Variants in CAMK1D observed in about 807,000 individuals in gnomAD.
CAMK1D encodes calcium/calmodulin-dependent protein kinase type 1D.
A neutral mutation model predicts 47.7 loss-of-function variants in CAMK1D; 9 were observed. That is an observed-to-expected ratio of 0.19 (90% CI 0.11 to 0.33). CAMK1D has a LOEUF of 0.33. Among genes scored for constraint, CAMK1D ranks in the 10% least tolerant of loss-of-function variants. The pLI is 1.00. For missense variants in CAMK1D, 291 were observed against 488.7 expected (o/e 0.60, Z 3.81); for synonymous variants, 184 against 184.9 (o/e 0.99, Z 0.04).
In CAMK1D at chr10:12,814,278, C is replaced by T. The variant is rs768410577; in HGVS notation, c.725C>T (p.Ser242Phe). Residue 242 changes from serine (S) to phenylalanine (F), a missense_variant, in exon 7 of 11, where the codon TCT becomes TTT. By Grantham distance (155) the Ser-to-Phe change is radical. This residue lies in a region of CAMK1D where 219 missense variants were observed against 424.3 expected (regional missense o/e 0.52). Coordinates refer to ENST00000619168, the MANE Select transcript of CAMK1D (RefSeq NM_153498.4). Reference sequence around the variant, plus strand: ...CTCAAGGCGGAATATGAGTTTGACTCTCCCTACTGGGATGACATCTCCGAC... The same window carrying T: ...CTCAAGGCGGAATATGAGTTTGACTTTCCCTACTGGGATGACATCTCCGAC... ...QILKAEYEFD[S>F]PYWDDISDSA... is the part of the protein sequence containing the mutation. The T allele has an allele frequency of 1.2e-6, 2 of 1,613,262 alleles. No homozygotes were observed. Among genetic ancestry groups the T allele is most frequent in the East Asian group, 2.2e-5 (1 of 44,860 alleles).
At chr10:12,649,098 C>T (rs1839890108) in intron 2 of CAMK1D, among the ~76,000 whole-genome samples, 1 of 152,198 alleles carries the variant, frequency 6.6e-6, no homozygotes, top group Non-Finnish European at 1.5e-5. Flanking sequence ...GACCTCCTGG[C>T]TTCAAGCAGG....
At position 12,560,554 on chromosome 10, in the gene CAMK1D, G is replaced by GA. The variant is rs1564412321; in HGVS notation, c.224+7198_224+7199insA. Among the ~76,000 whole-genome samples, 94 of 88,974 alleles carry GA rather than the reference G, an allele frequency of 1.1e-3. 4 individuals carry two copies. Among genetic ancestry groups the GA allele is most frequent in the Non-Finnish European group, 1.4e-3 (61 of 44,592 alleles). The allele number at this position is 88,974 out of a possible 152,430, so 58.4% of individuals were successfully genotyped here. A position where few individuals can be genotyped will look rare whatever the true frequency, so the allele number is the denominator to read the frequency against. ...GGCAACGAGAGGAAAACTCTATCTC[G>GA]GAAAAAAAAAAAAAAAAAGAAGAAG... is the stretch of plus-strand genomic sequence containing the variant. On this transcript the variant is annotated intron_variant, in intron 2 of 10. Transcript: ENST00000619168.
intron 1 of CAMK1D, among the ~76,000 whole-genome samples, chr10:12,449,668 T>C (rs985795002): frequency 6.6e-5 from 10 of 150,574 alleles, no homozygotes; most frequent in Admixed American, 6.0e-4. Context: ...CCTAAATATA[T>C]ACCATTTTTA....
At chr10:12,810,636 C>T (rs992683606) in intron 6 of CAMK1D, among the ~76,000 whole-genome samples, 1 of 152,154 alleles carries the variant, frequency 6.6e-6, no homozygotes, top group African/African-American at 2.4e-5. Flanking sequence ...GGCAGGGTCC[C>T]ATCAGAGGGT....
chr10:12,774,816 T>G (rs1837208244), intron 5 of CAMK1D, among the ~76,000 whole-genome samples: 1 of 152,254 alleles, frequency 6.6e-6, no homozygotes, highest in Non-Finnish European at 1.5e-5. Flanking sequence ...TGCGCGCTCC[T>G]TTTGAGACTC....
intron 6 of CAMK1D, among the ~76,000 whole-genome samples, chr10:12,795,457 A>G (rs1407927134): frequency 6.6e-6 from 1 of 152,196 alleles, no homozygotes; most frequent in Non-Finnish European, 1.5e-5. Context: ...CATGAGCAAC[A>G]GGCAGCATGC....
intron 1 of CAMK1D, among the ~76,000 whole-genome samples, chr10:12,488,974 G>C (rs1834298065): frequency 6.6e-6 from 1 of 152,026 alleles, no homozygotes; most frequent in South Asian, 2.1e-4. Flanking sequence ...CTCGCTCTGA[G>C]GCCCAGGCTA....
chr10:12,691,392 TATATATATATAA>T (rs1333578951), intron 3 of CAMK1D, among the ~76,000 whole-genome samples: 10 of 7,092 alleles, frequency 1.4e-3, no homozygotes, highest in Admixed American at 3.8e-3. Context: ...TATATATATA[TATATATATATAA>T]ATATATATAT....
At chr10:12,411,223 C>G (rs1839645305) in intron 1 of CAMK1D, among the ~76,000 whole-genome samples, 1 of 152,212 alleles carries the variant, frequency 6.6e-6, no homozygotes, top group African/African-American at 2.4e-5. Flanking sequence ...TTTCTTATTC[C>G]ATGGGCATAA....
intron 2 of CAMK1D, among the ~76,000 whole-genome samples, chr10:12,624,174 T>A (rs975173031): frequency 1.3e-5 from 2 of 152,122 alleles, no homozygotes; most frequent in African/African-American, 4.8e-5. Flanking sequence ...AGCATTTTGA[T>A]CTGTATCATG....
chr10:12,360,277 C>T (rs1220981657), intron 1 of CAMK1D, among the ~76,000 whole-genome samples: 1 of 152,168 alleles, frequency 6.6e-6, no homozygotes, highest in East Asian at 1.9e-4. Flanking sequence ...CAGACAGTTT[C>T]TGATGTTCAA....
chr10:12,789,991 G>A (rs2130994645), intron 5 of CAMK1D, among the ~76,000 whole-genome samples: 1 of 152,376 alleles, frequency 6.6e-6, no homozygotes, highest in East Asian at 1.9e-4. Flanking sequence ...GACGCTGCTG[G>A]TCGCCAGAGT....
At chr10:12,595,342 G>GAAAAACAAAAAAAAAAAAAAAAAAAAAAA (rs1838113589) in intron 2 of CAMK1D, among the ~76,000 whole-genome samples, 1 of 23,554 alleles carries the variant, frequency 4.2e-5, no homozygotes, top group Non-Finnish European at 7.0e-5. Flanking sequence ...AACTCCATCT[G>GAAAAACAAAAAAAAAAAAAAAAAAAAAAA]AAAAAAAAAA....
chr10:12,470,770 G>A (rs1269213795), intron 1 of CAMK1D, among the ~76,000 whole-genome samples: 4 of 152,098 alleles, frequency 2.6e-5, no homozygotes, highest in Admixed American at 6.6e-5. Context: ...ACCCACCTCC[G>A]GCTCCCAAAG....
At chr10:12,675,923 C>T (rs914276256) in intron 3 of CAMK1D, among the ~76,000 whole-genome samples, 3 of 152,034 alleles carry the variant, frequency 2.0e-5, no homozygotes, top group African/African-American at 7.3e-5. Flanking sequence ...CTGCTGGAAT[C>T]GCTTATCTTT....
rs558898443 is a variant in CAMK1D at position 12,352,798 on chromosome 10, G to A, written c.92+2888G>A. Among the ~76,000 whole-genome samples the A allele has an allele frequency of 3.6e-3, 530 of 147,028 alleles. 14 individuals carry two copies. The highest frequency in any genetic ancestry group is 0.033 in the Admixed American group (490 of 14,658). On this transcript the variant is annotated intron_variant, in intron 1 of 10. Coordinates refer to ENST00000619168, the MANE Select transcript of CAMK1D (RefSeq NM_153498.4). ...GTTGCCCAGGCTGGAGTGCAGTGGCGCAATCTCGGCTCACTGCAAGCTCTG... is the reference window on the plus strand; with the variant it reads ...GTTGCCCAGGCTGGAGTGCAGTGGCACAATCTCGGCTCACTGCAAGCTCTG...
chr10:12,368,217 A>T (rs1011231588), intron 1 of CAMK1D, among the ~76,000 whole-genome samples: 6 of 148,044 alleles, frequency 4.1e-5, no homozygotes, highest in Non-Finnish European at 9.0e-5. Flanking sequence ...AAAAAAAATA[A>T]AATAAAATGT....
chr10:12,573,305 G>A (rs1025608689), intron 2 of CAMK1D, among the ~76,000 whole-genome samples: 1 of 152,190 alleles, frequency 6.6e-6, no homozygotes, highest in African/African-American at 2.4e-5. Context: ...GATGTGGAGC[G>A]GGAAGGAGAG....
intron 2 of CAMK1D, among the ~76,000 whole-genome samples, chr10:12,643,938 C>A (rs914244567): frequency 7.9e-5 from 12 of 151,958 alleles, no homozygotes; most frequent in Admixed American, 3.3e-4. Context: ...TCCCATCACC[C>A]CCAGAGGAGA....
Sources: gnomAD v4.1 joint callset for allele counts (sites outside exome capture counted in the v4.1 genomes callset) on GRCh38, gnomAD v4.1.1 for gene constraint, gnomAD v4.1.1 regional missense constraint, MANE v1.5 for transcripts, NCBI Gene and HGNC (gene_info 2026-07-23, HGNC 2026-07-21) for gene names.